Variants in ROBO2 observed in about 807,000 individuals in gnomAD.
ROBO2 encodes the protein roundabout homolog 2.
In ROBO2, 53 loss-of-function variants were observed where a neutral mutation model predicts 160.8. That is an observed-to-expected ratio of 0.33 (90% CI 0.26 to 0.41). ROBO2 has a LOEUF of 0.41. Ranked by LOEUF, ROBO2 falls within the 10% of genes least tolerant of loss-of-function variation. ROBO2 has a pLI of 1.00. For missense variants in ROBO2, 1,577 were observed against 1,722.4 expected (o/e 0.92, Z 1.49); for synonymous variants, 664 against 611.7 (o/e 1.09, Z -1.26).
intron 2 of ROBO2, among the ~76,000 whole-genome samples, chr3:76,910,716 A>G (rs1177337669): frequency 3.7e-5 from 5 of 135,778 alleles, no homozygotes; most frequent in East Asian, 2.1e-4. Context: ...ACAGAGTGAA[A>G]CTCTGTCTCA....
intron 5 of ROBO2, among the ~76,000 whole-genome samples, chr3:77,494,540 T>C (rs1482554523): frequency 6.6e-6 from 1 of 152,152 alleles, no homozygotes; most frequent in African/African-American, 2.4e-5. Flanking sequence ...ATCGTGCCAC[T>C]GTACTCCAGC....
chr3:76,000,395 A>G (rs969466117), intron 2 of ROBO2, among the ~76,000 whole-genome samples: 2 of 151,934 alleles, frequency 1.3e-5, no homozygotes, highest in Non-Finnish European at 2.9e-5. Context: ...AAACAACATC[A>G]TTGTGCTATC....
intron 1 of ROBO2, among the ~76,000 whole-genome samples, chr3:77,088,554 G>A (rs1311801432): frequency 1.3e-5 from 2 of 151,982 alleles, no homozygotes; most frequent in East Asian, 1.9e-4. Context: ...CACTCCCCAC[G>A]CTGCCCCTGA....
intron 2 of ROBO2, among the ~76,000 whole-genome samples, chr3:76,300,619 C>T (rs1329858733): frequency 6.6e-6 from 1 of 150,584 alleles, no homozygotes; most frequent in African/African-American, 2.5e-5. Flanking sequence ...TATATATGCA[C>T]ATATGCATAT....
chr3:76,473,826 T>A (rs529909771), intron 2 of ROBO2, among the ~76,000 whole-genome samples: 1 of 152,144 alleles, frequency 6.6e-6, no homozygotes, highest in Non-Finnish European at 1.5e-5. Flanking sequence ...GAGCTATGAA[T>A]GTAGGTTGCA....
chr3:76,854,059 TCTCTC>T (rs2069751231), intron 2 of ROBO2, among the ~76,000 whole-genome samples: 1 of 86,668 alleles, frequency 1.2e-5, no homozygotes, highest in Admixed American at 1.2e-4. Flanking sequence ...TCTCTCTCTC[TCTCTC>T]TCTTTCTCTG....
intron 2 of ROBO2, among the ~76,000 whole-genome samples, chr3:76,046,877 A>G (rs1459899271): frequency 1.3e-5 from 2 of 150,602 alleles, no homozygotes; most frequent in Non-Finnish European, 2.9e-5. Context: ...GAAAACTCAA[A>G]GTCAAATTTG....
At chr3:76,691,565 A>G (rs1039987701) in intron 2 of ROBO2, among the ~76,000 whole-genome samples, 15 of 152,184 alleles carry the variant, frequency 9.9e-5, no homozygotes, top group African/African-American at 3.1e-4. Flanking sequence ...GAGCTAGAGG[A>G]AAAAGAGGCT....
intron 2 of ROBO2, among the ~76,000 whole-genome samples, chr3:75,939,054 A>G (rs1947921002): frequency 6.6e-6 from 1 of 152,154 alleles, no homozygotes; most frequent in African/African-American, 2.4e-5. Context: ...AAAATGCAGC[A>G]TCACAACTGT....
chr3:76,278,838 A>C lies in ROBO2; in HGVS notation c.109+341236A>C, dbSNP rs561372451. The stretch of plus-strand genomic sequence containing the variant: ...TTATTTTGGAGAGAATGTGAACGCC[A>C]CTAGTCCTCCTCTATAGGTTCACTG... On this transcript the variant is annotated intron_variant, in intron 2 of 26. Coordinates refer to the ROBO2 transcript ENST00000487694. 1.6e-3 allele frequency among the ~76,000 whole-genome samples: 247 copies of C among 152,058 alleles called. 1 individual carries two copies. The highest frequency in any genetic ancestry group is 5.2e-3 in the African/African-American group (217 of 41,538).
intron 2 of ROBO2, among the ~76,000 whole-genome samples, chr3:76,881,921 G>T (rs2073373411): frequency 6.6e-6 from 1 of 152,088 alleles, no homozygotes; most frequent in Non-Finnish European, 1.5e-5. Flanking sequence ...CAGGGTGTCT[G>T]TTGGGTGGTA....
Position 77,568,583 on chromosome 3 carries a change from T to A in ROBO2, c.1971+149T>A, listed in dbSNP as rs188403787. On this transcript the variant is annotated intron_variant, in intron 13 of 25. Coordinates refer to ENST00000461745, the Ensembl canonical transcript of ROBO2. ...ATGATAGTAAAGAAAATCAACAAATTAAAAAGTTACTAGAATAACCATAGT... is the reference window on the plus strand; with the variant it reads ...ATGATAGTAAAGAAAATCAACAAATAAAAAAGTTACTAGAATAACCATAGT... 8.7e-6 allele frequency: 8 copies of A among 924,170 alleles called. No individual in the cohort carries two copies. In the South Asian group the frequency reaches 9.9e-5, roughly 11 times the overall value. The allele number at this position is 924,170 out of a possible 1,614,324, so 57.2% of individuals were successfully genotyped here.
chr3:76,529,934 C>A (rs2082137277), intron 2 of ROBO2, among the ~76,000 whole-genome samples: 1 of 152,098 alleles, frequency 6.6e-6, no homozygotes, highest in Non-Finnish European at 1.5e-5. Context: ...GTCTGTGATC[C>A]CTGCTTTGGC....
chr3:77,164,282 CTTTT>C (rs1040437491), intron 2 of ROBO2, among the ~76,000 whole-genome samples: 4 of 152,196 alleles, frequency 2.6e-5, no homozygotes, highest in African/African-American at 9.7e-5. Flanking sequence ...TAAAACAACT[CTTTT>C]TATTATTACT....
At chr3:76,799,695 A>G (rs866772759) in intron 2 of ROBO2, among the ~76,000 whole-genome samples, 2 of 152,190 alleles carry the variant, frequency 1.3e-5, no homozygotes, top group Non-Finnish European at 2.9e-5. Flanking sequence ...TGAAAAGTAT[A>G]AAATATTTAG....
intron 2 of ROBO2, among the ~76,000 whole-genome samples, chr3:76,909,735 G>T (rs1404904401): frequency 1.3e-5 from 2 of 152,102 alleles, no homozygotes; most frequent in Non-Finnish European, 2.9e-5. Flanking sequence ...CATAATTCTA[G>T]ATTGTTAAAA....
At chr3:77,330,573 T>C (rs2065877135) in intron 2 of ROBO2, among the ~76,000 whole-genome samples, 1 of 152,178 alleles carries the variant, frequency 6.6e-6, no homozygotes, top group African/African-American at 2.4e-5. Flanking sequence ...TAGCAGTCAG[T>C]TATAAATGAG....
At chr3:77,551,036 T>C (rs775025257) in intron 8 of ROBO2, 47 bp downstream of exon 9, 4 of 1,589,702 alleles carry the variant, frequency 2.5e-6, no homozygotes, top group Non-Finnish European at 3.5e-6. Flanking sequence ...TTGATTTTTA[T>C]TTCTAGATAC....
At chr3:76,759,990 T>C (rs2061211854) in intron 2 of ROBO2, among the ~76,000 whole-genome samples, 1 of 151,712 alleles carries the variant, frequency 6.6e-6, no homozygotes, top group Admixed American at 6.6e-5. Flanking sequence ...TTGAACCAGA[T>C]TGTCTCTTAA....
Sources: allele counts gnomAD v4.1 joint callset (sites outside exome capture counted in the v4.1 genomes callset), GRCh38; gene constraint gnomAD v4.1.1; transcripts MANE v1.5; gene names NCBI Gene and HGNC (gene_info 2026-07-23, HGNC 2026-07-21).